GRIN3A: variants seen among roughly 807,000 people sequenced by gnomAD.
GRIN3A encodes the protein glutamate ionotropic receptor NMDA type subunit 3A.
A neutral mutation model predicts 92.4 loss-of-function variants in GRIN3A; 47 were observed. That is an observed-to-expected ratio of 0.51 (90% CI 0.40 to 0.65). GRIN3A has a LOEUF of 0.65. Ranked by LOEUF, GRIN3A falls within the 30% of genes least tolerant of loss-of-function variation. The probability of loss-of-function intolerance (pLI) is 0.00; values close to 1 mark genes in which losing one functional copy is unlikely to be tolerated. For missense variants in GRIN3A, 1,324 were observed against 1,393.1 expected, an observed-to-expected ratio of 0.95 and a Z score of 0.79; for synonymous variants, 527 against 540.6, an observed-to-expected ratio of 0.97 and a Z score of 0.35.
At chr9:101,643,673 T>A (rs915252683) in intron 3 of GRIN3A, among the ~76,000 whole-genome samples, 2 of 115,708 alleles carry the variant, frequency 1.7e-5, no homozygotes, top group East Asian at 3.1e-4. Flanking sequence ...TCTCTCTCTC[T>A]CTCTCTCTCT....
chr9:101,712,435 A>T (rs17199409), intron 1 of GRIN3A, among the ~76,000 whole-genome samples: 21,312 of 152,218 alleles, frequency 0.14, 1,854 homozygotes, highest in Admixed American at 0.2. Context: ...GCTGCTTCAA[A>T]GTTACAGAAC....
In GRIN3A at chr9:101,572,813, T is replaced by TA. The variant is rs1311587940; in HGVS notation, c.*360dup. On this transcript the variant is annotated 3_prime_UTR_variant, in exon 9 of 9. Transcript: ENST00000361820. ...CAACCCAGTAAGACATAAGTGTGAG[T>TA]AACAATTTTATCTCTTGTTGGTAGT... The TA allele has an allele frequency of 3.5e-6, 1 of 283,802 alleles. No homozygotes were observed. The highest frequency in any genetic ancestry group is 2.2e-5 in the African/African-American group (1 of 46,454). The allele number at this position is 283,802 out of a possible 1,614,324, so 17.6% of individuals were successfully genotyped here. A position where few individuals can be genotyped will look rare whatever the true frequency, so the allele number is the denominator to read the frequency against.
intron 1 of GRIN3A, among the ~76,000 whole-genome samples, chr9:101,693,109 A>G (rs1380830057): frequency 6.6e-6 from 1 of 152,048 alleles, no homozygotes; most frequent in Non-Finnish European, 1.5e-5. Flanking sequence ...ACAGCTACTA[A>G]GAAATAGAGC....
At chr9:101,616,280 T>C (rs963934886) in intron 5 of GRIN3A, among the ~76,000 whole-genome samples, 23 of 152,346 alleles carry the variant, frequency 1.5e-4, no homozygotes, top group African/African-American at 4.8e-4. Context: ...GCATTCATTA[T>C]GTTTCTAAAG....
In GRIN3A at chr9:101,573,433, C is replaced by A; in HGVS notation, c.3089G>T (p.Ser1030Ile). The A allele has an allele frequency of 6.2e-7, 1 of 1,614,070 alleles. No homozygotes were observed. The highest frequency in any genetic ancestry group is 8.5e-7 in the Non-Finnish European group (1 of 1,179,972). Residue 1030 changes from serine (S) to isoleucine (I), a missense_variant, in exon 9 of 9, where the codon AGT becomes ATT. Ser to Ile is a moderately radical substitution (Grantham distance 142, BLOSUM62 -2). Transcript: ENST00000361820. ...CAGCTGGTTTTGTCCTTCCTCATCA[C>A]TAAAGATGTATTTCCGTCGGTTGTC... ...SHDNRRKYIF[S>I]DEEGQNQLGI...
chr9:101,586,707 G>A (rs1459899874), intron 6 of GRIN3A, among the ~76,000 whole-genome samples: 2 of 152,120 alleles, frequency 1.3e-5, no homozygotes, highest in African/African-American at 4.8e-5. Flanking sequence ...CCTTTCTTTG[G>A]GGAACTGCCC....
At chr9:101,686,567 G>A in intron 2 of GRIN3A, 29 bp downstream of exon 2, 2 of 1,612,918 alleles carry the variant, frequency 1.2e-6, no homozygotes, top group Non-Finnish European at 1.7e-6. Context: ...CCCTATGAAT[G>A]GGGATATAAC....
intron 3 of GRIN3A, 134 bp from the exon 4 acceptor site, chr9:101,628,535 TAGAA>T: frequency 1.2e-6 from 1 of 822,152 alleles, no homozygotes; most frequent in Non-Finnish European, 1.9e-6. Flanking sequence ...AACATGTACA[TAGAA>T]ATGTGCAGAC....
At chr9:101,731,810 C>T (rs1469159948) in intron 1 of GRIN3A, among the ~76,000 whole-genome samples, 1 of 152,184 alleles carries the variant, frequency 6.6e-6, no homozygotes, top group African/African-American at 2.4e-5. Context: ...ACTCTTAGCT[C>T]ACCTCTTCCC....
intron 1 of GRIN3A, among the ~76,000 whole-genome samples, chr9:101,709,883 G>A (rs988459640): frequency 6.6e-6 from 1 of 152,178 alleles, no homozygotes; most frequent in African/African-American, 2.4e-5. Context: ...AGTTATGAAA[G>A]ACTCAGAGAA....
intron 3 of GRIN3A, among the ~76,000 whole-genome samples, chr9:101,632,903 C>A (rs1251429867): frequency 6.6e-6 from 1 of 152,184 alleles, no homozygotes; most frequent in African/African-American, 2.4e-5. Context: ...AGAAGCATTT[C>A]TTTAAAGTTT....
chr9:101,574,574 G>A (rs368392418), intron 8 of GRIN3A, among the ~76,000 whole-genome samples: 2 of 152,294 alleles, frequency 1.3e-5, no homozygotes, highest in South Asian at 4.1e-4. Flanking sequence ...AGGAGAAGGG[G>A]AAAGAGAAGA....
intron 6 of GRIN3A, chr9:101,592,447 C>T (rs962334019): frequency 2.6e-5 from 4 of 152,264 alleles, no homozygotes; most frequent in Admixed American, 2.0e-4. Flanking sequence ...GGTGGATCCT[C>T]TTTAATTAGG....
chr9:101,677,738 A>G (rs755771385), intron 2 of GRIN3A, among the ~76,000 whole-genome samples: 3 of 151,964 alleles, frequency 2.0e-5, no homozygotes, highest in Non-Finnish European at 4.4e-5. Flanking sequence ...GAATTTGTCC[A>G]TTTTAGCCAC....
intron 2 of GRIN3A, among the ~76,000 whole-genome samples, chr9:101,671,828 C>T (rs1308575219): frequency 6.6e-6 from 1 of 152,092 alleles, no homozygotes; most frequent in Admixed American, 6.6e-5. Flanking sequence ...AAACAATTGG[C>T]CCTGGTTCTA....
chr9:101,637,635 A>G (rs1301421390), intron 3 of GRIN3A, among the ~76,000 whole-genome samples: 1 of 152,228 alleles, frequency 6.6e-6, no homozygotes, highest in Non-Finnish European at 1.5e-5. Context: ...GAATTATATG[A>G]TTTAAACCTC....
Position 101,577,827 on chromosome 9 carries a change from T to C in GRIN3A, c.2949A>G (p.Ile983Met). The change falls in exon 8 of 9, where the codon ATA becomes ATG. Residue 983 changes from isoleucine (I) to methionine (M), a missense_variant. By Grantham distance (10) the Ile-to-Met change is conservative. Coordinates refer to ENST00000361820, the MANE Select transcript of GRIN3A (RefSeq NM_133445.3). The stretch of plus-strand genomic sequence containing the variant: ...GCTTTTCCTCTATAAATGATGTATT[T>C]ATTGCTCTGTGTAATCTCTGATGGA... ...LHTSQRLHRA[I>M]NTSFIEEKQQ... The C allele has an allele frequency of 6.2e-7, 1 of 1,612,242 alleles. No individual in the cohort carries two copies. The highest frequency in any genetic ancestry group is 8.5e-7 in the Non-Finnish European group (1 of 1,179,060).
chr9:101,712,225 A>G lies in GRIN3A; in HGVS notation c.700-25025T>C, dbSNP rs186824280. Among the ~76,000 whole-genome samples the G allele has an allele frequency of 2.0e-5, 3 of 152,296 alleles. No individual in the cohort carries two copies. In the East Asian group the frequency reaches 5.8e-4, roughly 29 times the overall value. On this transcript the variant is annotated intron_variant, in intron 1 of 8. Coordinates refer to ENST00000361820, the MANE Select transcript of GRIN3A (RefSeq NM_133445.3). ...CTTTTCATTAAAATTTCACTCTTCAAATAACTGACTAAGTCTCACCAATAC... is the reference window on the plus strand; with the variant it reads ...CTTTTCATTAAAATTTCACTCTTCAGATAACTGACTAAGTCTCACCAATAC...
intron 1 of GRIN3A, among the ~76,000 whole-genome samples, chr9:101,691,098 A>C (rs1194143489): frequency 6.6e-6 from 1 of 152,136 alleles, no homozygotes; most frequent in Non-Finnish European, 1.5e-5. Flanking sequence ...GAAAAACAAG[A>C]GAATATTAGT....
Sources: allele counts gnomAD v4.1 joint callset (sites outside exome capture counted in the v4.1 genomes callset), GRCh38; gene constraint gnomAD v4.1.1; transcripts MANE v1.5; gene names NCBI Gene and HGNC (gene_info 2026-07-23, HGNC 2026-07-21).